The following MAPK10 variants were observed in gnomAD, a reference collection of about 807,000 sequenced individuals.
MAPK10 encodes JNK3 alpha protein kinase.
MAPK10 carries 25 observed loss-of-function variants against 59.3 expected under a neutral mutation model. That is an observed-to-expected ratio of 0.42 (90% CI 0.31 to 0.59). MAPK10 has a LOEUF of 0.59. Among genes scored for constraint, MAPK10 ranks in the 20% least tolerant of loss-of-function variants. The probability of loss-of-function intolerance (pLI) is 0.15; values close to 1 mark genes in which losing one functional copy is unlikely to be tolerated. For synonymous variants in MAPK10, 190 were observed against 200.5 expected (o/e 0.95, Z 0.44); for missense variants, 351 against 568.9 (o/e 0.62, Z 3.90).
chr4:86,510,322 A>G (rs1756125044), intron 1 of MAPK10, among the ~76,000 whole-genome samples: 1 of 152,108 alleles, frequency 6.6e-6, no homozygotes, highest in African/African-American at 2.4e-5. Context: ...CATGTTGCTC[A>G]GGCTGGTCTG....
chr4:86,120,812 C>T (rs1028935282), intron 4 of MAPK10, among the ~76,000 whole-genome samples: 1 of 152,050 alleles, frequency 6.6e-6, no homozygotes, highest in Non-Finnish European at 1.5e-5. Context: ...ACTGGCCAGC[C>T]CTGCTATAAG....
At chr4:86,386,239 C>A (rs1041817768) in intron 1 of MAPK10, among the ~76,000 whole-genome samples, 8 of 152,184 alleles carry the variant, frequency 5.3e-5, no homozygotes, top group Non-Finnish European at 2.9e-5. Flanking sequence ...AGATACGATT[C>A]GCTAAGCATA....
chr4:86,363,659 T>C (rs1389343523), upstream of MAPK10, among the ~76,000 whole-genome samples: 1 of 152,224 alleles, frequency 6.6e-6, no homozygotes, highest in African/African-American at 2.4e-5. Flanking sequence ...TGAAATTTAC[T>C]CTCTTAGTTG....
chr4:86,180,791 TA>T (rs1236370856), intron 3 of MAPK10, among the ~76,000 whole-genome samples: 1 of 151,840 alleles, frequency 6.6e-6, no homozygotes, highest in Non-Finnish European at 1.5e-5. Context: ...ATATGGAAGC[TA>T]AAAAAAGTTG....
chr4:86,129,957 C>A (rs925551195), intron 4 of MAPK10, among the ~76,000 whole-genome samples: 1 of 152,134 alleles, frequency 6.6e-6, no homozygotes, highest in Non-Finnish European at 1.5e-5. Flanking sequence ...TCTTTCTGGG[C>A]TATTGGCAAA....
chr4:86,084,218 GGGTAGAGTGCCAAGCA>G (rs1310756376), intron 9 of MAPK10, among the ~76,000 whole-genome samples: 5 of 152,156 alleles, frequency 3.3e-5, no homozygotes, highest in African/African-American at 1.2e-4. Context: ...GCCACAGTGT[GGGTAGAGTGCCAAGCA>G]GGCTCTTGAG....
intron 2 of MAPK10, among the ~76,000 whole-genome samples, chr4:86,284,741 C>A (rs1460710577): frequency 1.3e-5 from 2 of 152,168 alleles, no homozygotes; most frequent in African/African-American, 2.4e-5. Context: ...TCTGTCTCGA[C>A]AGAGAGTCAG....
At chr4:86,142,052 A>G (rs1055917706) in intron 4 of MAPK10, among the ~76,000 whole-genome samples, 4 of 152,178 alleles carry the variant, frequency 2.6e-5, no homozygotes, top group Non-Finnish European at 5.9e-5. Flanking sequence ...AATTAATCCA[A>G]TCTCTCAAGA....
rs552716669 is a variant in MAPK10, at chr4:86,183,562, C to T, written c.66+10774G>A. Among the ~76,000 whole-genome samples, 17 of 152,058 alleles carry T rather than the reference C, an allele frequency of 1.1e-4. No homozygotes were observed. The South Asian group carries it at 3.5e-3, about 32-fold the overall frequency. ...CATTGTTGGACATTTGGGTTGGTTC[C>T]AAGTCTTTGCTATTGTGAATAGTGC... On this transcript the variant is annotated intron_variant, in intron 3 of 13. Coordinates refer to ENST00000641462, the MANE Select transcript of MAPK10 (RefSeq NM_138982.4).
intron 2 of MAPK10, among the ~76,000 whole-genome samples, chr4:86,299,885 T>C (rs1366940950): frequency 6.6e-6 from 1 of 152,090 alleles, no homozygotes; most frequent in African/African-American, 2.4e-5. Context: ...ATACCTTTCT[T>C]ATTTTTTTTC....
chr4:86,533,541 C>T (rs1460596882), intron 1 of MAPK10, among the ~76,000 whole-genome samples: 1 of 152,192 alleles, frequency 6.6e-6, no homozygotes, highest in Non-Finnish European at 1.5e-5. Flanking sequence ...AGATTCCTAA[C>T]TAGTGGGCTA....
At chr4:86,023,812 A>AATATAT (rs368982706) in intron 13 of MAPK10, 1,749 of 100,210 alleles carry the variant, frequency 0.017, 25 homozygotes, top group African/African-American at 0.033. Flanking sequence ...AGATCAAATG[A>AATATAT]ATATATATAT....
intron 2 of MAPK10, chr4:86,332,857 T>A (rs1056371649): frequency 6.6e-6 from 1 of 152,216 alleles, no homozygotes; most frequent in Non-Finnish European, 1.5e-5. Flanking sequence ...AAGAGAGAAG[T>A]CACAAATCTG....
chr4:86,459,554 G>T (rs1751539691), intron 1 of MAPK10, among the ~76,000 whole-genome samples: 4 of 152,156 alleles, frequency 2.6e-5, no homozygotes, highest in Middle Eastern at 3.4e-3. Context: ...TGTATATATA[G>T]ATAGATAGAT....
chr4:86,284,752 C>T lies in MAPK10; in HGVS notation c.-7+69778G>A, dbSNP rs2094936566. Among the ~76,000 whole-genome samples the T allele has an allele frequency of 2.0e-5, 3 of 152,310 alleles. No individual in the cohort carries two copies. The South Asian group carries it at 6.2e-4, about 32-fold the overall frequency. On this transcript the variant is annotated intron_variant, in intron 2 of 13. Transcript: ENST00000641462. Reference sequence around the variant, plus strand: ...TGATTCTGTCTCGACAGAGAGTCAGCCTTTTCATGGATATAGAAAACACTG... The same window carrying T: ...TGATTCTGTCTCGACAGAGAGTCAGTCTTTTCATGGATATAGAAAACACTG...
chr4:86,477,636 T>C (rs1753214624), intron 1 of MAPK10, among the ~76,000 whole-genome samples: 1 of 152,226 alleles, frequency 6.6e-6, no homozygotes, highest in Admixed American at 6.5e-5. Context: ...TGTTACAGCA[T>C]GGCCTTTTAA....
At chr4:86,205,005 A>G (rs1378673210) in intron 2 of MAPK10, among the ~76,000 whole-genome samples, 1 of 152,036 alleles carries the variant, frequency 6.6e-6, no homozygotes, top group East Asian at 1.9e-4. Flanking sequence ...GTAAAACCCA[A>G]AAGGCAGTGA....
At chr4:86,237,147 G>A (rs556664050) in intron 2 of MAPK10, among the ~76,000 whole-genome samples, 11 of 152,228 alleles carry the variant, frequency 7.2e-5, no homozygotes, top group Admixed American at 4.6e-4. Flanking sequence ...TGCTGAGGAT[G>A]ATGGCTTCCA....
intron 2 of MAPK10, among the ~76,000 whole-genome samples, chr4:86,224,267 C>G (rs952601633): frequency 6.6e-6 from 1 of 152,136 alleles, no homozygotes; most frequent in African/African-American, 2.4e-5. Context: ...TTATCAATGC[C>G]ATTTTAAGAA....
Sources: gnomAD v4.1 joint callset for allele counts (sites outside exome capture counted in the v4.1 genomes callset) on GRCh38, gnomAD v4.1.1 for gene constraint, MANE v1.5 for transcripts, NCBI Gene and HGNC (gene_info 2026-07-23, HGNC 2026-07-21) for gene names.